Variants in GANAB observed in about 807,000 individuals in gnomAD.
The protein encoded by GANAB is neutral alpha-glucosidase AB.
GANAB carries 35 observed loss-of-function variants against 129.9 expected under a neutral mutation model. The observed-to-expected ratio is 0.27, with a 90% CI of 0.21 to 0.36. The LOEUF is 0.36. Ranked by LOEUF, GANAB falls within the 10% of genes least tolerant of loss-of-function variation. The pLI is 1.00. For synonymous variants in GANAB, 482 were observed against 451.8 expected (o/e 1.07, Z -0.85); for missense variants, 939 against 1,221.0 (o/e 0.77, Z 3.44).
chr11:62,643,266 G>C (rs1351112496), intron 1 of GANAB, among the ~76,000 whole-genome samples: 2 of 152,168 alleles, frequency 1.3e-5, no homozygotes, highest in African/African-American at 2.4e-5. Flanking sequence ...GGCACTTTGG[G>C]AGGCCCAGGT....
chr11:62,637,258 G>A (rs186550724), intron 4 of GANAB, among the ~76,000 whole-genome samples: 127 of 152,220 alleles, frequency 8.3e-4, no homozygotes, highest in Non-Finnish European at 1.4e-3. Context: ...CAATTCACTA[G>A]GTATCACAAA....
Position 62,627,448 on chromosome 11 carries a change from T to C in GANAB, c.2181-95A>G, listed in dbSNP as rs575109325. 180 of 745,756 alleles carry C rather than the reference T, an allele frequency of 2.4e-4. 1 individual carries two copies. Among genetic ancestry groups the C allele is most frequent in the Non-Finnish European group, 2.3e-4 (97 of 413,882 alleles). 46.2% of individuals were successfully genotyped at this position (745,756 alleles called of 1,614,324 possible). On this transcript the variant is annotated intron_variant, in intron 17 of 23. Transcript: ENST00000356638. ...AACTGGCAATAAGAAAAGAACAGCA[T>C]AGGCCGGGTGTGGTGGCTCACACCT...
At position 62,632,733 on chromosome 11, in the gene GANAB, T is replaced by C; in HGVS notation, c.828A>G (p.Pro276=). 1 of 1,613,566 alleles carries C rather than the reference T, an allele frequency of 6.2e-7. No individual in the cohort carries two copies. Among genetic ancestry groups the C allele is most frequent in the South Asian group, 1.1e-5 (1 of 91,062 alleles). The change falls in exon 9 of 24, where the codon CCA becomes CCG. Residue 276 remains proline, a synonymous_variant. Coordinates refer to ENST00000356638, the MANE Select transcript of GANAB (RefSeq NM_198334.3). ...LRLKVTEGGE[P]YRLYNLDVFQ... ...ACACATCCAAATTGTAGAGGCGATA[T>C]GGCTCCCCACCCCTGCAGGCAAACA...
chr11:62,634,292 C>T (rs751568295), intron 5 of GANAB: 37 of 1,528,956 alleles, frequency 2.4e-5, no homozygotes, highest in Non-Finnish European at 3.0e-5. Flanking sequence ...GATACAGTAC[C>T]GGTGGCCATG....
Position 62,631,046 on chromosome 11 carries a change from T to C in GANAB, c.1134A>G (p.Gln378=), listed in dbSNP as rs1943652972. 5.0e-6 allele frequency: 8 copies of C among 1,603,284 alleles called. No homozygotes were observed. The highest frequency in any genetic ancestry group is 2.2e-5 in the East Asian group (1 of 44,486). The change falls in exon 10 of 24, where the codon CAA becomes CAG. Residue 378 remains glutamine (Q), a synonymous_variant. Transcript: ENST00000356638. ...ACCATGTACCTGTGAGACTAGCATA[T>C]TGCCGGAAAACATCAGAGATGGAGG... is the stretch of plus-strand genomic sequence containing the variant. ...LGPSISDVFR[Q]YASLTGTQAL...
chr11:62,627,777 C>T (rs1943468877), intron 17 of GANAB, among the ~76,000 whole-genome samples: 1 of 152,126 alleles, frequency 6.6e-6, no homozygotes. Context: ...GGGTTAAGAC[C>T]CAGGAGTTTG....
chr11:62,632,170 C>T (rs1210142686), intron 9 of GANAB, among the ~76,000 whole-genome samples: 4 of 151,752 alleles, frequency 2.6e-5, no homozygotes, highest in African/African-American at 7.3e-5. Flanking sequence ...GATGAGGTTT[C>T]GCCATGTTGG....
chr11:62,631,191 G>T lies in GANAB; in HGVS notation c.997-8C>A. On this transcript the variant is annotated splice_region_variant and splice_polypyrimidine_tract_variant and intron_variant, in intron 9 of 23. Coordinates refer to ENST00000356638, the MANE Select transcript of GANAB (RefSeq NM_198334.3). ...CATCTTCCCAAACAGGGTCTGTATA[G>T]GTGACCACAAAGGGGTCAGACACCT... 6.4e-7 allele frequency: 1 copy of T among 1,563,898 alleles called. No homozygotes were observed. Among genetic ancestry groups the T allele is most frequent in the Non-Finnish European group, 8.7e-7 (1 of 1,147,094 alleles).
At chr11:62,635,060 C>G (rs1943883173) in intron 4 of GANAB, 60 bp from the exon 5 acceptor site, 7 of 1,219,752 alleles carry the variant, frequency 5.7e-6, no homozygotes, top group Non-Finnish European at 8.4e-6. Context: ...AGTAATGACA[C>G]TTTAGAAGAC....
chr11:62,627,625 A>G (rs559921536), intron 17 of GANAB, among the ~76,000 whole-genome samples: 2 of 152,218 alleles, frequency 1.3e-5, no homozygotes, highest in African/African-American at 4.8e-5. Flanking sequence ...CCAGCTACTC[A>G]GGAGGCTGAG....
chr11:62,639,708 G>A lies in GANAB; in HGVS notation c.62C>T (p.Ala21Val). ...RRRSWASLVL[A>V]FLGVCLGITL... is the part of the protein sequence containing the mutation. ...AATCCCCAGGCAGACCCCTAAAAAAGCCAGTACCAAAGACGCCCAAGACCT... is the reference window on the plus strand; with the variant it reads ...AATCCCCAGGCAGACCCCTAAAAAAACCAGTACCAAAGACGCCCAAGACCT... Residue 21 changes from alanine (A) to valine (V), a missense_variant, in exon 2 of 24, where the codon GCT becomes GTT. Physicochemically the swap from Ala to Val is moderately conservative, Grantham distance 64 (BLOSUM62 0). Around this residue, in one of 5 missense-constraint regions of GANAB, gnomAD observed 321 missense variants for 329.1 expected, o/e 0.98. Coordinates refer to ENST00000356638, the MANE Select transcript of GANAB (RefSeq NM_198334.3). 1 of 1,613,742 alleles carries A rather than the reference G, an allele frequency of 6.2e-7. No individual in the cohort carries two copies. Among genetic ancestry groups the A allele is most frequent in the Non-Finnish European group, 8.5e-7 (1 of 1,179,742 alleles).
intron 1 of GANAB, among the ~76,000 whole-genome samples, 198 bp downstream of exon 1, chr11:62,646,364 C>T (rs1944483826): frequency 6.6e-6 from 1 of 152,014 alleles, no homozygotes; most frequent in Non-Finnish European, 1.5e-5. Context: ...GAGCCCGGAG[C>T]CCCACAGGCA....
At chr11:62,633,724 A>G (rs1270191747) in intron 5 of GANAB, 12 of 595,750 alleles carry the variant, frequency 2.0e-5, no homozygotes, top group African/African-American at 1.3e-4. Context: ...AAAATGAGGA[A>G]TAAGTGCCAC....
rs188894265 is a variant in GANAB at position 62,626,746 on chromosome 11, T to G, written c.2398-62A>C. 4.5e-6 allele frequency: 6 copies of G among 1,344,090 alleles called. No individual in the cohort carries two copies. The African/African-American group carries it at 8.6e-5, about 19-fold the overall frequency. The allele number at this position is 1,344,090 out of a possible 1,614,324, so 83.3% of individuals were successfully genotyped here. On this transcript the variant is annotated intron_variant, in intron 20 of 23. Coordinates refer to ENST00000356638, the MANE Select transcript of GANAB (RefSeq NM_198334.3). ...TTGTCCAACCTTGGGCCCCACAGCA[T>G]GTTTTGCTTACTCATGTATGCCCAC...
chr11:62,629,562 C>T, intron 15 of GANAB, 26 bp downstream of exon 15: 1 of 1,500,372 alleles, frequency 6.7e-7, no homozygotes, highest in East Asian at 2.3e-5. Context: ...CACCCTTCTG[C>T]CACAGCTCCA....
intron 13 of GANAB, 43 bp downstream of exon 13, chr11:62,630,154 G>A (rs1349929289): frequency 6.8e-7 from 1 of 1,471,168 alleles, no homozygotes. Context: ...AGGGAGGCAG[G>A]TGGAACAGAC....
At chr11:62,645,308 G>A (rs945825617) in intron 1 of GANAB, among the ~76,000 whole-genome samples, 4 of 152,034 alleles carry the variant, frequency 2.6e-5, no homozygotes, top group African/African-American at 7.2e-5. Flanking sequence ...AGGCCGAGGC[G>A]GGTGGATCAC....
chr11:62,646,338 C>G lies in GANAB; in HGVS notation c.38+224G>C, dbSNP rs544154733. 3.3e-5 allele frequency among the ~76,000 whole-genome samples: 5 copies of G among 152,360 alleles called. No homozygotes were observed. In the South Asian group the frequency reaches 1.0e-3, roughly 32 times the overall value. On this transcript the variant is annotated intron_variant, in intron 1 of 23. Coordinates refer to ENST00000356638, the MANE Select transcript of GANAB (RefSeq NM_198334.3). The stretch of plus-strand genomic sequence containing the variant: ...AGAAAGACGCACAGCTGTGGCTTTA[C>G]TAAACCGCCGGGCGGGAGCCCGGAG...
At position 62,637,089 on chromosome 11, in the gene GANAB, G is replaced by A. The variant is rs116655464; in HGVS notation, c.380+1894C>T. Among the ~76,000 whole-genome samples, 1,272 of 152,032 alleles carry A rather than the reference G, an allele frequency of 8.4e-3. 18 individuals are homozygous for A. Among genetic ancestry groups the A allele is most frequent in the African/African-American group, 0.03 (1,224 of 41,462 alleles). ...GTACCTTTAGGATCATTAAGAAAAA[G>A]GAAAAGTCTAAGAAATTTTATCAGT... On this transcript the variant is annotated intron_variant, in intron 4 of 23. Coordinates refer to ENST00000356638, the MANE Select transcript of GANAB (RefSeq NM_198334.3).
Sources: allele counts gnomAD v4.1 joint callset (sites outside exome capture counted in the v4.1 genomes callset), GRCh38; gene constraint gnomAD v4.1.1; regional missense constraint gnomAD v4.1.1; transcripts MANE v1.5; gene names NCBI Gene and HGNC (gene_info 2026-07-23, HGNC 2026-07-21).